CAMTA1: variants seen among roughly 807,000 people sequenced by gnomAD.
CAMTA1 encodes the protein calmodulin binding transcription activator 1.
A neutral mutation model predicts 170.9 loss-of-function variants in CAMTA1; 27 were observed. The ratio of observed to expected loss-of-function variants is 0.16; its 90% CI spans 0.12 to 0.22. CAMTA1 has a LOEUF of 0.22. Ranked by LOEUF, CAMTA1 falls within the 10% of genes least tolerant of loss-of-function variation. The pLI, the probability that CAMTA1 is intolerant of heterozygous loss-of-function variation, is 1.00. For missense variants in CAMTA1, 1,619 were observed against 2,217.2 expected (o/e 0.73, Z 5.42); for synonymous variants, 833 against 891.5 (o/e 0.93, Z 1.17).
intron 3 of CAMTA1, among the ~76,000 whole-genome samples, chr1:6,838,769 T>C (rs1447920171): frequency 2.0e-5 from 3 of 152,194 alleles, no homozygotes; most frequent in African/African-American, 4.8e-5. Flanking sequence ...TGTTTCTTGA[T>C]TGACTGAGAC....
At chr1:6,929,551 G>A (rs753448923) in intron 3 of CAMTA1, among the ~76,000 whole-genome samples, 5 of 152,320 alleles carry the variant, frequency 3.3e-5, no homozygotes, top group Non-Finnish European at 7.3e-5. Context: ...TTTTGGTAGA[G>A]ACGGGGTTTC....
At chr1:6,797,447 A>G (rs1453711102) in intron 1 of CAMTA1, among the ~76,000 whole-genome samples, 3 of 150,676 alleles carry the variant, frequency 2.0e-5, no homozygotes, top group African/African-American at 7.3e-5. Flanking sequence ...GTGCAGTGGC[A>G]TGATCTTGGC....
intron 2 of CAMTA1, among the ~76,000 whole-genome samples, chr1:6,821,833 G>A (rs1463090535): frequency 6.6e-6 from 1 of 152,102 alleles, no homozygotes; most frequent in Non-Finnish European, 1.5e-5. Context: ...CATGAAAACA[G>A]TAATTCTGCT....
chr1:7,279,329 G>T lies in CAMTA1; in HGVS notation c.438+29703G>T, dbSNP rs1671177016. Among the ~76,000 whole-genome samples the T allele has an allele frequency of 2.6e-5, 4 of 152,174 alleles. No homozygotes were observed. In the South Asian group the frequency reaches 8.3e-4, roughly 32 times the overall value. ...GAGGGATGACTTATTGGTTAAAATA[G>T]GTGGTCCCAGTTCTGTTTCTCTTCT... On this transcript the variant is annotated intron_variant, in intron 5 of 22. Transcript: ENST00000303635.
chr1:7,320,536 C>T (rs1678216302), intron 5 of CAMTA1, among the ~76,000 whole-genome samples: 1 of 151,750 alleles, frequency 6.6e-6, no homozygotes, highest in African/African-American at 2.4e-5. Context: ...CATCTGGTTT[C>T]TGCAGGGTCT....
chr1:7,627,275 G>T (rs2095639939), intron 6 of CAMTA1, among the ~76,000 whole-genome samples: 1 of 152,284 alleles, frequency 6.6e-6, no homozygotes. Flanking sequence ...TGTTTGAAAA[G>T]AATTTAACTT....
intron 6 of CAMTA1, among the ~76,000 whole-genome samples, chr1:7,566,421 C>T (rs1001373885): frequency 2.6e-5 from 4 of 152,176 alleles, no homozygotes; most frequent in South Asian, 2.1e-4. Context: ...AAGCACCCAC[C>T]GAGTTGCAGG....
chr1:7,118,078 C>T (rs535103485), intron 4 of CAMTA1, among the ~76,000 whole-genome samples: 6 of 152,196 alleles, frequency 3.9e-5, no homozygotes, highest in South Asian at 2.1e-4. Context: ...CTCATGTGGG[C>T]GGTTTGGGTC....
intron 22 of CAMTA1, 129 bp from the exon 23 acceptor site, chr1:7,766,330 C>A: frequency 1.4e-6 from 1 of 709,538 alleles, no homozygotes; most frequent in Non-Finnish European, 2.4e-6. Flanking sequence ...GTTTCTTTTG[C>A]CGTCAATCCT....
intron 4 of CAMTA1, among the ~76,000 whole-genome samples, chr1:7,204,822 CTTTTTTTCT>C (rs1657393676): frequency 2.7e-5 from 3 of 111,588 alleles, no homozygotes; most frequent in Non-Finnish European, 3.6e-5. Context: ...TTTTTTTTTT[CTTTTTTTCT>C]TTTTTTTTTT....
Position 7,532,987 on chromosome 1 carries a change from G to A in CAMTA1, c.510+65086G>A, listed in dbSNP as rs2094508133. Among the ~76,000 whole-genome samples, 1 of 152,216 alleles carries A rather than the reference G, an allele frequency of 6.6e-6. No homozygotes were observed. Among genetic ancestry groups the A allele is most frequent in the South Asian group, 2.1e-4 (1 of 4,836 alleles). On this transcript the variant is annotated intron_variant, in intron 6 of 22. Coordinates refer to ENST00000303635, the MANE Select transcript of CAMTA1 (RefSeq NM_015215.4). This position sits in a 1 kb window ranked among gnomAD's most constrained non-coding sequence, Gnocchi z 4.2. ...CAAGAGATGGGAGGCCCAGGTGGGA[G>A]TTGAGGGTCCCAATAATTAGTACGT...
Position 7,201,982 on chromosome 1 carries a change from T to C in CAMTA1, c.303-47509T>C, listed in dbSNP as rs1010048914. 3.3e-5 allele frequency among the ~76,000 whole-genome samples: 5 copies of C among 152,232 alleles called. No individual in the cohort carries two copies. In the East Asian group the frequency reaches 9.6e-4, roughly 29 times the overall value. The stretch of plus-strand genomic sequence containing the variant: ...GCCAATCCAAGGCCGTGAATGTTTA[T>C]ACCTATGTTTTCTTTTAAGAATTTT... On this transcript the variant is annotated intron_variant, in intron 4 of 22. Transcript: ENST00000303635.
intron 11 of CAMTA1, among the ~76,000 whole-genome samples, chr1:7,679,094 C>A (rs1449013726): frequency 6.6e-6 from 1 of 152,254 alleles, no homozygotes; most frequent in Non-Finnish European, 1.5e-5. Context: ...TTGGCAGCAT[C>A]TCTGGCTGAG....
Position 7,113,360 on chromosome 1 carries a change from G to A in CAMTA1, c.302+21989G>A, listed in dbSNP as rs1310549809. 6.6e-6 allele frequency among the ~76,000 whole-genome samples: 1 copy of A among 152,188 alleles called. No individual in the cohort carries two copies. The highest frequency in any genetic ancestry group is 1.5e-5 in the Non-Finnish European group (1 of 68,030). On this transcript the variant is annotated intron_variant, in intron 4 of 22. Transcript: ENST00000303635. The surrounding 1 kb of genome is among the most constrained non-coding windows in gnomAD (Gnocchi z 4.5). ...GCCTGTGTGGCCATTCTGACCAAGT[G>A]GGGTGGACGGCAGAGACACTCAGGT...
chr1:7,261,558 C>G (rs1281197385), intron 5 of CAMTA1, among the ~76,000 whole-genome samples: 4 of 152,224 alleles, frequency 2.6e-5, no homozygotes, highest in Non-Finnish European at 4.4e-5. Flanking sequence ...ACAAGGCCGC[C>G]AAGCACATCT....
Position 7,663,765 on chromosome 1 carries a change from T to A in CAMTA1, c.1218T>A (p.Asn406Lys), listed in dbSNP as rs751245698. 1 of 1,614,062 alleles carries A rather than the reference T, an allele frequency of 6.2e-7. No homozygotes were observed. The change falls in exon 9 of 23, where the codon AAT becomes AAA. Residue 406 changes from asparagine (N) to lysine (K), a missense_variant. By Grantham distance (94) the Asn-to-Lys change is moderately conservative. Transcript: ENST00000303635. ...CGGTGTTCATGTCAGAGGTCACCAA[T>A]GAGGCCGTGTACACCATGTCCCCCA... ...SATVFMSEVT[N>K]EAVYTMSPTA...
intron 3 of CAMTA1, among the ~76,000 whole-genome samples, chr1:6,859,940 T>A (rs1347444909): frequency 6.6e-6 from 1 of 152,168 alleles, no homozygotes; most frequent in Non-Finnish European, 1.5e-5. Context: ...AAGACTCAGA[T>A]CTCCTTTTAA....
Position 7,561,009 on chromosome 1 carries a change from G to T in CAMTA1, c.511-79391G>T, listed in dbSNP as rs2094949288. ...TGACTCGTATGACTGTGAAGGACAGGCTGGGACCTAGAAGCCCTGGCCCTC... is the reference window on the plus strand; with the variant it reads ...TGACTCGTATGACTGTGAAGGACAGTCTGGGACCTAGAAGCCCTGGCCCTC... On this transcript the variant is annotated intron_variant, in intron 6 of 22. Transcript: ENST00000303635. This position sits in a 1 kb window ranked among gnomAD's most constrained non-coding sequence, Gnocchi z 5.3. Among the ~76,000 whole-genome samples, 1 of 152,154 alleles carries T rather than the reference G, an allele frequency of 6.6e-6. No individual in the cohort carries two copies. Among genetic ancestry groups the T allele is most frequent in the Non-Finnish European group, 1.5e-5 (1 of 68,020 alleles).
chr1:7,421,115 C>T (rs926394668), intron 5 of CAMTA1, among the ~76,000 whole-genome samples: 6 of 152,090 alleles, frequency 3.9e-5, no homozygotes, highest in Non-Finnish European at 7.4e-5. Context: ...CTAGGTGCCC[C>T]GTTCAGTAGA....
Sources: allele counts gnomAD v4.1 joint callset (sites outside exome capture counted in the v4.1 genomes callset), GRCh38; gene constraint gnomAD v4.1.1; non-coding constraint Gnocchi (gnomAD v3.1); transcripts MANE v1.5; gene names NCBI Gene and HGNC (gene_info 2026-07-23, HGNC 2026-07-21).